Variants in ITGAV observed in about 807,000 individuals in gnomAD.
ITGAV encodes the protein integrin subunit alpha V.
Under a neutral mutation model 143.8 loss-of-function variants are expected in ITGAV, and 76 were observed. The observed-to-expected ratio is 0.53, with a 90% CI of 0.44 to 0.64. The LOEUF (loss-of-function observed/expected upper bound fraction) is 0.64. ITGAV is among the 30% of genes least tolerant of loss of function. The probability of loss-of-function intolerance (pLI) is 0.00; values close to 1 mark genes in which losing one functional copy is unlikely to be tolerated. For missense variants in ITGAV, 1,193 were observed against 1,274.7 expected (o/e 0.94, Z 0.98); for synonymous variants, 453 against 446.7 (o/e 1.01, Z -0.18).
rs774715450 is a variant in ITGAV, at chr2:186,625,469, T to A, written c.409-4T>A. The A allele has an allele frequency of 4.4e-6, 7 of 1,605,532 alleles. No homozygotes were observed. Among genetic ancestry groups the A allele is most frequent in the Non-Finnish European group, 6.0e-6 (7 of 1,172,540 alleles). On this transcript the variant is annotated splice_region_variant and splice_polypyrimidine_tract_variant and intron_variant, in intron 3 of 29. Coordinates refer to ENST00000261023, the MANE Select transcript of ITGAV (RefSeq NM_002210.5). ...CGTGTCGTGGACTAAACCTTTGATT[T>A]TAGGCCTGTGCCCCATTGTACCATT...
rs1687660003 is a variant in ITGAV at position 186,625,711 on chromosome 2, T to C, written c.523+124T>C. On this transcript the variant is annotated intron_variant, in intron 4 of 29. Transcript: ENST00000261023. ...AGAGATATTAAAAGATATAGACATA[T>C]TATGATGATAACAAAATGAAAACAA... is the stretch of plus-strand genomic sequence containing the variant. The C allele has an allele frequency of 8.3e-6, 4 of 483,260 alleles. No individual in the cohort carries two copies. The East Asian group carries it at 1.3e-4, about 16-fold the overall frequency. The allele number at this position is 483,260 out of a possible 1,614,324, so 29.9% of individuals were successfully genotyped here.
Position 186,678,737 on chromosome 2 carries a change from G to A in ITGAV, c.*1445G>A. ...GATGATCAGTTATACCTATTTTTGT[G>A]CAATTACATCATGTTGTACATTAGA... is the stretch of plus-strand genomic sequence containing the variant. On this transcript the variant is annotated 3_prime_UTR_variant, in exon 30 of 30. Transcript: ENST00000261023. 2.2e-6 allele frequency: 1 copy of A among 455,676 alleles called. No individual in the cohort carries two copies. The highest frequency in any genetic ancestry group is 7.0e-5 in the East Asian group (1 of 14,382). 28.2% of individuals were successfully genotyped at this position (455,676 alleles called of 1,614,324 possible). A position where few individuals can be genotyped will look rare whatever the true frequency, so the allele number is the denominator to read the frequency against.
At chr2:186,593,786 G>GT (rs35294409) in intron 1 of ITGAV, among the ~76,000 whole-genome samples, 106,035 of 151,920 alleles carry the variant, frequency 0.7, 37,390 homozygotes, top group East Asian at 0.85. Context: ...GTAGGTTGGT[G>GT]TGAGTAGAGG....
At chr2:186,612,180 A>T (rs188637446) in intron 2 of ITGAV, among the ~76,000 whole-genome samples, 1 of 152,296 alleles carries the variant, frequency 6.6e-6, no homozygotes, top group Admixed American at 6.5e-5. Flanking sequence ...TCCTCTTCTT[A>T]TAACATGTTT....
chr2:186,613,314 A>C (rs1283755693), intron 2 of ITGAV, among the ~76,000 whole-genome samples: 8 of 152,304 alleles, frequency 5.3e-5, no homozygotes, highest in African/African-American at 1.9e-4. Context: ...CAGCAGGACC[A>C]CTGGAATTGC....
chr2:186,656,696 A>G (rs992189051), intron 17 of ITGAV, among the ~76,000 whole-genome samples: 3 of 152,170 alleles, frequency 2.0e-5, no homozygotes, highest in Non-Finnish European at 1.5e-5. Flanking sequence ...AGTCCAAAAA[A>G]AAAATGAGCA....
At chr2:186,636,350 T>TA in intron 7 of ITGAV, 143 bp downstream of exon 7, 1 of 641,890 alleles carries the variant, frequency 1.6e-6, no homozygotes. Flanking sequence ...TTTCAAATTG[T>TA]TAATGAGTAC....
intron 26 of ITGAV, 144 bp from the exon 27 acceptor site, chr2:186,675,460 C>G (rs767602679): frequency 4.8e-6 from 3 of 631,512 alleles, no homozygotes; most frequent in Non-Finnish European, 8.5e-6. Flanking sequence ...ATAGACTCAA[C>G]TATTAGCCTG....
chr2:186,604,059 TG>T (rs1251495105), intron 2 of ITGAV, among the ~76,000 whole-genome samples: 1 of 151,552 alleles, frequency 6.6e-6, no homozygotes, highest in African/African-American at 2.4e-5. Flanking sequence ...TTTAAAGAGA[TG>T]GGGTTTTGCC....
At chr2:186,660,958 C>T (rs1444326236) in intron 18 of ITGAV, among the ~76,000 whole-genome samples, 1 of 152,096 alleles carries the variant, frequency 6.6e-6, no homozygotes, top group Non-Finnish European at 1.5e-5. Flanking sequence ...GGATTAGGGC[C>T]CACCTTAAAG....
rs746560027 is a variant in ITGAV at position 186,625,447 on chromosome 2, G to A, written c.409-26G>A. ...CACTAAATTTTTAGAAAATCTTCGT[G>A]TCGTGGACTAAACCTTTGATTTTAG... On this transcript the variant is annotated intron_variant, in intron 3 of 29. Transcript: ENST00000261023. 3.4e-6 allele frequency: 5 copies of A among 1,484,856 alleles called. No individual in the cohort carries two copies. In the East Asian group the frequency reaches 9.0e-5, roughly 27 times the overall value. 92.0% of individuals were successfully genotyped at this position (1,484,856 alleles called of 1,614,324 possible).
intron 15 of ITGAV, 50 bp from the exon 16 acceptor site, chr2:186,654,600 A>G (rs774532299): frequency 1.4e-5 from 13 of 910,274 alleles, no homozygotes; most frequent in Middle Eastern, 5.1e-4. Context: ...TAATAAAAAT[A>G]TGTCTAAACT....
At chr2:186,675,088 A>G (rs1392654669) in intron 26 of ITGAV, among the ~76,000 whole-genome samples, 1 of 152,214 alleles carries the variant, frequency 6.6e-6, no homozygotes, top group African/African-American at 2.4e-5. Context: ...AAGGTGGTGA[A>G]TATTTATTTC....
intron 2 of ITGAV, among the ~76,000 whole-genome samples, chr2:186,603,232 T>C (rs568917400): frequency 1.3e-5 from 2 of 152,270 alleles, no homozygotes; most frequent in South Asian, 4.1e-4. Flanking sequence ...TCTGATTTGC[T>C]GGCTTTGACA....
chr2:186,656,053 T>C (rs1005281983), intron 16 of ITGAV, among the ~76,000 whole-genome samples, 194 bp from the exon 17 acceptor site: 5 of 152,124 alleles, frequency 3.3e-5, no homozygotes, highest in South Asian at 2.1e-4. Flanking sequence ...GTTTGATTAA[T>C]TATTTAATTA....
chr2:186,592,117 T>A (rs1465475151), intron 1 of ITGAV, among the ~76,000 whole-genome samples: 2 of 152,146 alleles, frequency 1.3e-5, no homozygotes, highest in Non-Finnish European at 2.9e-5. Flanking sequence ...ATTTTGAAAA[T>A]ATATGTCTTC....
intron 6 of ITGAV, among the ~76,000 whole-genome samples, chr2:186,634,271 C>G (rs1187172231): frequency 7.1e-6 from 1 of 140,290 alleles, no homozygotes; most frequent in African/African-American, 2.5e-5. Context: ...TTTATCTCAT[C>G]AATATATTGA....
chr2:186,663,676 A>G (rs1688810179), intron 18 of ITGAV, 92 bp from the exon 19 acceptor site: 4 of 851,326 alleles, frequency 4.7e-6, no homozygotes, highest in Non-Finnish European at 7.7e-6. Context: ...ACATGTGTAC[A>G]TATAGGCTTA....
chr2:186,624,616 A>G (rs749109182), intron 3 of ITGAV, among the ~76,000 whole-genome samples: 2 of 152,228 alleles, frequency 1.3e-5, no homozygotes, highest in African/African-American at 4.8e-5. Context: ...TTCAAAAAGT[A>G]TTATAGAAAA....
Sources: gnomAD v4.1 joint callset for allele counts (sites outside exome capture counted in the v4.1 genomes callset) on GRCh38, gnomAD v4.1.1 for gene constraint, MANE v1.5 for transcripts, NCBI Gene and HGNC (gene_info 2026-07-23, HGNC 2026-07-21) for gene names.